NAV3: variants seen among roughly 807,000 people sequenced by gnomAD.
The protein encoded by NAV3 is neuron navigator 3.
NAV3 carries 87 observed loss-of-function variants against 244.7 expected under a neutral mutation model. The observed-to-expected ratio is 0.36, with a 90% CI of 0.30 to 0.42. The LOEUF is 0.42. NAV3 is among the 20% of genes least tolerant of loss of function. NAV3 has a pLI of 1.00. For missense variants in NAV3, 2,663 were observed against 2,893.3 expected (o/e 0.92, Z 1.83); for synonymous variants, 1,126 against 1,042.2 (o/e 1.08, Z -1.55).
At chr12:78,046,401 G>C (rs1051893874) in intron 9 of NAV3, among the ~76,000 whole-genome samples, 1 of 152,122 alleles carries the variant, frequency 6.6e-6, no homozygotes, top group Non-Finnish European at 1.5e-5. Context: ...CACAGCTTTA[G>C]CTGTGTCCCA....
chr12:77,778,784 A>G (rs1870519931), intron 2 of NAV3, among the ~76,000 whole-genome samples: 1 of 152,184 alleles, frequency 6.6e-6, no homozygotes, highest in Admixed American at 6.5e-5. Flanking sequence ...TCACATAATT[A>G]TAAAACATCA....
chr12:78,174,095 C>T (rs1256880830), intron 24 of NAV3, among the ~76,000 whole-genome samples: 1 of 151,448 alleles, frequency 6.6e-6, no homozygotes, highest in Non-Finnish European at 1.5e-5. Flanking sequence ...GATTTTTTTG[C>T]TTGACTAATC....
intron 3 of NAV3, among the ~76,000 whole-genome samples, chr12:77,961,864 ATATTTAG>A (rs1245425876): frequency 6.6e-6 from 1 of 151,298 alleles, no homozygotes; most frequent in Admixed American, 6.6e-5. Flanking sequence ...ATATACTTTA[ATATTTAG>A]TTCATGTGTG....
At chr12:78,055,087 T>G (rs1883287520) in intron 11 of NAV3, among the ~76,000 whole-genome samples, 1 of 152,216 alleles carries the variant, frequency 6.6e-6, no homozygotes, top group African/African-American at 2.4e-5. Context: ...TCATCCTATG[T>G]GTCAAGCAAC....
At chr12:78,066,075 T>A (rs1343797532) in intron 12 of NAV3, among the ~76,000 whole-genome samples, 1 of 152,104 alleles carries the variant, frequency 6.6e-6, no homozygotes, top group East Asian at 1.9e-4. Flanking sequence ...ATGAATGCTA[T>A]TAGTGTCCTT....
chr12:78,022,223 G>A (rs868068027), intron 9 of NAV3, among the ~76,000 whole-genome samples: 2 of 152,032 alleles, frequency 1.3e-5, no homozygotes, highest in South Asian at 2.1e-4. Context: ...AATTCTGTAT[G>A]ATTTAAAACA....
At chr12:77,672,845 A>G (rs543708924) in intron 2 of NAV3, among the ~76,000 whole-genome samples, 1 of 152,294 alleles carries the variant, frequency 6.6e-6, no homozygotes, top group South Asian at 2.1e-4. Flanking sequence ...ATTGTGGGAA[A>G]GGAGCTACTA....
Position 77,831,608 on chromosome 12 carries a change from C to T in NAV3, c.147C>T (p.Ser49=), listed in dbSNP as rs2136077959. 1 of 1,614,046 alleles carries T rather than the reference C, an allele frequency of 6.2e-7. No homozygotes were observed. The highest frequency in any genetic ancestry group is 8.5e-7 in the Non-Finnish European group (1 of 1,179,958). The change falls in exon 1 of 40, where the codon AGC becomes AGT. Residue 49 remains serine (S), a synonymous_variant. Coordinates refer to ENST00000397909, the MANE Select transcript of NAV3 (RefSeq NM_001024383.2). ...SRPLELTETE[S]SMLSCQLALK... ...CTTTGGAACTTACTGAAACAGAGAG[C>T]TCCATGCTTTCTTGTCAGCTTGCGT...
At chr12:77,819,183 T>C (rs1405563673) in intron 2 of NAV3, among the ~76,000 whole-genome samples, 1 of 152,092 alleles carries the variant, frequency 6.6e-6, no homozygotes, top group Non-Finnish European at 1.5e-5. Flanking sequence ...AGAGGACTCA[T>C]GCGTGCAATA....
chr12:77,960,398 T>G (rs1891777391), intron 3 of NAV3, among the ~76,000 whole-genome samples: 1 of 150,336 alleles, frequency 6.7e-6, no homozygotes, highest in Non-Finnish European at 1.5e-5. Flanking sequence ...GTAGCCAAAA[T>G]TAAAAAGAAT....
intron 9 of NAV3, among the ~76,000 whole-genome samples, chr12:78,045,457 G>A (rs547423426): frequency 6.6e-5 from 10 of 152,144 alleles, no homozygotes; most frequent in African/African-American, 1.9e-4. Flanking sequence ...CACCATACCC[G>A]GCTAATTTTG....
At chr12:78,002,205 CT>C (rs1367031825) in intron 7 of NAV3, among the ~76,000 whole-genome samples, 2 of 152,142 alleles carry the variant, frequency 1.3e-5, no homozygotes, top group African/African-American at 2.4e-5. Context: ...AATCCAGTTT[CT>C]TTATTATGAT....
intron 1 of NAV3, among the ~76,000 whole-genome samples, chr12:77,859,133 T>A (rs1878826299): frequency 6.6e-6 from 1 of 152,090 alleles, no homozygotes; most frequent in African/African-American, 2.4e-5. Context: ...GAATGAGAAG[T>A]CAGTTTCACA....
intron 12 of NAV3, among the ~76,000 whole-genome samples, chr12:78,093,766 G>A (rs1366434296): frequency 6.6e-6 from 1 of 152,018 alleles, no homozygotes; most frequent in East Asian, 1.9e-4. Context: ...TTTAAATTTA[G>A]AAAATATATT....
intron 12 of NAV3, among the ~76,000 whole-genome samples, chr12:78,090,672 A>T (rs1035956563): frequency 3.9e-5 from 6 of 152,182 alleles, no homozygotes; most frequent in South Asian, 4.1e-4. Context: ...TATATTTTTT[A>T]AAAATATTTT....
At chr12:78,140,358 A>G (rs1292120861) in intron 20 of NAV3, 24 bp downstream of exon 20, 2 of 1,599,304 alleles carry the variant, frequency 1.3e-6, no homozygotes, top group East Asian at 4.5e-5. Flanking sequence ...GTTAAGAAAA[A>G]GCTTGTGCTT....
chr12:77,587,178 A>C (rs1869655892), intron 2 of NAV3, among the ~76,000 whole-genome samples: 1 of 152,160 alleles, frequency 6.6e-6, no homozygotes, highest in South Asian at 2.1e-4. Flanking sequence ...TTATTTGATA[A>C]TAAATTTTCA....
chr12:78,071,241 C>T (rs952091425), intron 12 of NAV3, among the ~76,000 whole-genome samples: 3 of 152,138 alleles, frequency 2.0e-5, no homozygotes, highest in African/African-American at 7.2e-5. Context: ...TAATGATTGC[C>T]ATTCTAACTG....
chr12:78,103,254 T>C (rs1332890694), intron 12 of NAV3, among the ~76,000 whole-genome samples: 1 of 152,186 alleles, frequency 6.6e-6, no homozygotes, highest in Non-Finnish European at 1.5e-5. Flanking sequence ...CACAAATCTC[T>C]AGGGCAGGGG....
Sources: allele counts gnomAD v4.1 joint callset (sites outside exome capture counted in the v4.1 genomes callset), GRCh38; gene constraint gnomAD v4.1.1; transcripts MANE v1.5; gene names NCBI Gene and HGNC (gene_info 2026-07-23, HGNC 2026-07-21).